EPHB1: variants seen among roughly 807,000 people sequenced by gnomAD.
EPHB1 encodes the protein EPH receptor B1.
In EPHB1, 30 loss-of-function variants were observed where a neutral mutation model predicts 94.4. That is an observed-to-expected ratio of 0.32 (90% CI 0.24 to 0.43). The LOEUF (loss-of-function observed/expected upper bound fraction) is 0.43, where lower values mean the gene tolerates loss of function less well. EPHB1 is among the 20% of genes least tolerant of loss of function. The pLI, the probability that EPHB1 is intolerant of heterozygous loss-of-function variation, is 1.00. For synonymous variants in EPHB1, 522 were observed against 489.1 expected (o/e 1.07, Z -0.89); for missense variants, 1,055 against 1,308.3 (o/e 0.81, Z 2.99).
At chr3:135,005,210 A>C (rs548176360) in intron 3 of EPHB1, among the ~76,000 whole-genome samples, 1 of 152,054 alleles carries the variant, frequency 6.6e-6, no homozygotes. Context: ...CTGTTGGAGT[A>C]CCCTGCAGTG....
At chr3:135,244,802 A>G (rs547963324) in intron 13 of EPHB1, among the ~76,000 whole-genome samples, 23 of 152,348 alleles carry the variant, frequency 1.5e-4, no homozygotes, top group African/African-American at 5.5e-4. Context: ...CTCCAAAGGC[A>G]TTGTACTTCA....
chr3:135,030,543 AG>A (rs1348190474), intron 3 of EPHB1, among the ~76,000 whole-genome samples: 1 of 152,228 alleles, frequency 6.6e-6, no homozygotes, highest in Non-Finnish European at 1.5e-5. Flanking sequence ...GTCGGGGGTC[AG>A]GGGTCAGGGA....
chr3:134,953,923 A>T (rs192861274), intron 3 of EPHB1, among the ~76,000 whole-genome samples: 39 of 152,290 alleles, frequency 2.6e-4, no homozygotes, highest in Admixed American at 7.8e-4. Context: ...TCTCCTTCCC[A>T]GTCTCGATCC....
intron 3 of EPHB1, among the ~76,000 whole-genome samples, chr3:135,020,933 C>T (rs183146521): frequency 3.1e-4 from 47 of 152,082 alleles, no homozygotes; most frequent in African/African-American, 9.6e-4. Flanking sequence ...AGTCAATTGA[C>T]GTAGTGTATT....
rs578119233 is a variant in EPHB1 at position 135,130,677 on chromosome 3, T to C, written c.962-2037T>C. 4.6e-5 allele frequency among the ~76,000 whole-genome samples: 7 copies of C among 152,144 alleles called. No individual in the cohort carries two copies. The South Asian group carries it at 1.2e-3, about 27-fold the overall frequency. ...GGAAAGTCTCAATGGGTGAGAGGGA[T>C]GGATGATCACTCTCTTGGTCAGTGC... On this transcript the variant is annotated intron_variant, in intron 4 of 15. Transcript: ENST00000398015.
chr3:135,045,288 A>G (rs1275754511), intron 3 of EPHB1, among the ~76,000 whole-genome samples: 1 of 152,234 alleles, frequency 6.6e-6, no homozygotes, highest in African/African-American at 2.4e-5. Context: ...AAGAAAAAGA[A>G]AAAGAAAGCA....
At chr3:134,818,067 G>A (rs1295416942) in intron 1 of EPHB1, among the ~76,000 whole-genome samples, 11 of 151,906 alleles carry the variant, frequency 7.2e-5, no homozygotes. Context: ...ACTTTCCTAA[G>A]AGCCATGTGG....
chr3:134,821,969 C>T lies in EPHB1; in HGVS notation c.58+26280C>T, dbSNP rs536178730. On this transcript the variant is annotated intron_variant, in intron 1 of 15. Coordinates refer to ENST00000398015, the MANE Select transcript of EPHB1 (RefSeq NM_004441.5). ...GTGGCCCTTCCTGGACAGTTTCATC[C>T]AGGAGAACTTTGGTTAAACGCAAAG... Among the ~76,000 whole-genome samples the T allele has an allele frequency of 7.4e-4, 113 of 152,218 alleles. 1 individual carries two copies. Among genetic ancestry groups the T allele is most frequent in the Admixed American group, 2.3e-3 (35 of 15,292 alleles).
At chr3:134,894,666 C>G (rs1158776561) in intron 1 of EPHB1, among the ~76,000 whole-genome samples, 1 of 152,198 alleles carries the variant, frequency 6.6e-6, no homozygotes, top group Non-Finnish European at 1.5e-5. Context: ...TATAGCAGAC[C>G]AGCCAGCCTC....
chr3:135,052,890 A>AATATATATATATAT (rs1553726756), intron 3 of EPHB1, among the ~76,000 whole-genome samples: 1 of 54,622 alleles, frequency 1.8e-5, no homozygotes, highest in African/African-American at 1.1e-4. Context: ...AAAAAAAAAA[A>AATATATATATATAT]ATATATATAT....
At chr3:135,051,053 T>A (rs1481900123) in intron 3 of EPHB1, among the ~76,000 whole-genome samples, 4 of 152,162 alleles carry the variant, frequency 2.6e-5, no homozygotes, top group Admixed American at 1.3e-4. Flanking sequence ...CCTCCTTTTT[T>A]AAAATATAAA....
chr3:135,258,523 A>G (rs960304493), intron 15 of EPHB1, among the ~76,000 whole-genome samples: 3 of 152,182 alleles, frequency 2.0e-5, no homozygotes, highest in Admixed American at 1.3e-4. Flanking sequence ...TTAAAAATGC[A>G]TACATTAAAA....
At chr3:135,031,081 C>T (rs1419571595) in intron 3 of EPHB1, among the ~76,000 whole-genome samples, 1 of 152,202 alleles carries the variant, frequency 6.6e-6, no homozygotes, top group Non-Finnish European at 1.5e-5. Flanking sequence ...CCTGCTTTGG[C>T]TCGTGCACGG....
At position 135,259,144 on chromosome 3, in the gene EPHB1, A is replaced by G. The variant is rs1933542755; in HGVS notation, c.*24A>G. ...GAGAACTCTTGTTTCTTGGGGAAGG[A>G]GAGGAGGGAAAAGGACCAGGGTCAA... On this transcript the variant is annotated 3_prime_UTR_variant, in exon 16 of 16. Transcript: ENST00000398015. The G allele has an allele frequency of 1.3e-6, 2 of 1,576,310 alleles. No homozygotes were observed. Among genetic ancestry groups the G allele is most frequent in the African/African-American group, 2.7e-5 (2 of 74,182 alleles).
chr3:134,967,037 C>A (rs999024788), intron 3 of EPHB1, among the ~76,000 whole-genome samples: 16 of 152,182 alleles, frequency 1.1e-4, no homozygotes, highest in African/African-American at 3.9e-4. Flanking sequence ...ACTCTAAAGG[C>A]TGGGAGGTCC....
intron 5 of EPHB1, among the ~76,000 whole-genome samples, chr3:135,153,570 G>T (rs1196366532): frequency 6.6e-6 from 1 of 152,128 alleles, no homozygotes; most frequent in African/African-American, 2.4e-5. Flanking sequence ...TACCTCTGTT[G>T]TTGGTCTGTG....
At chr3:135,232,107 G>C (rs1300486610) in intron 12 of EPHB1, among the ~76,000 whole-genome samples, 1 of 152,178 alleles carries the variant, frequency 6.6e-6, no homozygotes, top group Non-Finnish European at 1.5e-5. Context: ...TTAGAAGCTG[G>C]TGACACTCAG....
intron 11 of EPHB1, 63 bp downstream of exon 11, chr3:135,192,886 G>A: frequency 6.3e-7 from 1 of 1,579,398 alleles, no homozygotes; most frequent in Non-Finnish European, 8.6e-7. Context: ...CTGGGGAGAG[G>A]GGTTCCATGA....
intron 12 of EPHB1, among the ~76,000 whole-genome samples, chr3:135,235,720 GTGT>G (rs1414219661): frequency 6.6e-6 from 1 of 152,216 alleles, no homozygotes; most frequent in Non-Finnish European, 1.5e-5. Flanking sequence ...CTTTCAGCCG[GTGT>G]TGTTGTGCAT....
Sources: gnomAD v4.1 joint callset for allele counts (sites outside exome capture counted in the v4.1 genomes callset) on GRCh38, gnomAD v4.1.1 for gene constraint, MANE v1.5 for transcripts, NCBI Gene and HGNC (gene_info 2026-07-23, HGNC 2026-07-21) for gene names.